The following LRRFIP2 variants were observed in gnomAD, a reference collection of about 807,000 sequenced individuals.
The protein encoded by LRRFIP2 is leucine-rich repeat flightless-interacting protein 2.
A neutral mutation model predicts 125.9 loss-of-function variants in LRRFIP2; 109 were observed. The observed-to-expected ratio is 0.87, with a 90% CI of 0.74 to 1.01. The LOEUF (loss-of-function observed/expected upper bound fraction) is 1.01, where lower values mean the gene tolerates loss of function less well. LRRFIP2 is among the 50% of genes least tolerant of loss of function. The pLI, the probability that LRRFIP2 is intolerant of heterozygous loss-of-function variation, is 0.00. For missense variants in LRRFIP2, 850 were observed against 862.3 expected, an observed-to-expected ratio of 0.99 and a Z score of 0.18; for synonymous variants, 291 against 293.1, an observed-to-expected ratio of 0.99 and a Z score of 0.07.
In LRRFIP2 at chr3:37,109,680, G is replaced by T. The variant is rs1369673821; in HGVS notation, c.537C>A (p.Asp179Glu). ...TGTCACTCTTATATGTTGCCAGAGG[G>T]TCACTGTACAGGGAAGAAGACTGCT... ...YTRQSSSLYS[D>E]PLATYKSDRA... is the part of the protein sequence containing the mutation. The change falls in exon 10 of 28, where the codon GAC becomes GAA. Residue 179 changes from aspartate (D) to glutamate (E), a missense_variant. Asp to Glu is a conservative substitution (Grantham distance 45). Transcript: ENST00000336686. 2.5e-6 allele frequency: 4 copies of T among 1,613,962 alleles called. No homozygotes were observed. The highest frequency in any genetic ancestry group is 1.1e-5 in the South Asian group (1 of 91,072).
intron 24 of LRRFIP2, among the ~76,000 whole-genome samples, chr3:37,063,403 A>G (rs534061485): frequency 6.6e-6 from 1 of 152,362 alleles, no homozygotes; most frequent in African/African-American, 2.4e-5. Context: ...CAACATAAGT[A>G]TGTTATACAG....
At chr3:37,129,802 A>C (rs527571640) in intron 2 of LRRFIP2, among the ~76,000 whole-genome samples, 1 of 152,242 alleles carries the variant, frequency 6.6e-6, no homozygotes, top group African/African-American at 2.4e-5. Context: ...AGACCAGCTT[A>C]GGCAACATGA....
chr3:37,126,823 A>C (rs11713122), intron 4 of LRRFIP2, among the ~76,000 whole-genome samples: 62,300 of 150,484 alleles, frequency 0.41, 13,472 homozygotes, highest in Non-Finnish European at 0.46. Flanking sequence ...TGTGCCACTG[A>C]ACTCCAGCCT....
At chr3:37,069,212 C>T (rs534776878) in intron 21 of LRRFIP2, among the ~76,000 whole-genome samples, 1 of 152,248 alleles carries the variant, frequency 6.6e-6, no homozygotes, top group Admixed American at 6.5e-5. Flanking sequence ...ACAGAATTAC[C>T]ATATGATCCA....
intron 21 of LRRFIP2, chr3:37,068,432 G>A (rs552090383): frequency 1.6e-4 from 24 of 152,060 alleles, no homozygotes; most frequent in African/African-American, 5.8e-4. Flanking sequence ...TTTTACCTTC[G>A]GACTTTTTAA....
At chr3:37,076,330 G>T (rs932712263) in intron 19 of LRRFIP2, among the ~76,000 whole-genome samples, 19 of 151,914 alleles carry the variant, frequency 1.3e-4, no homozygotes, top group African/African-American at 4.1e-4. Context: ...TCAAGACCCT[G>T]CCTGGGCAAC....
intron 6 of LRRFIP2, 174 bp downstream of exon 6, chr3:37,121,318 A>G (rs556611572): frequency 4.1e-5 from 26 of 628,484 alleles, no homozygotes; most frequent in Non-Finnish European, 7.0e-5. Context: ...TGATTTACTT[A>G]TGACAATAAT....
At chr3:37,102,893 C>A (rs754386899) in intron 15 of LRRFIP2, 31 bp downstream of exon 15, 2 of 1,449,166 alleles carry the variant, frequency 1.4e-6, no homozygotes. Context: ...CCTGGGACAA[C>A]ATAACCAACC....
intron 1 of LRRFIP2, among the ~76,000 whole-genome samples, chr3:37,173,597 GC>G (rs1244579200): frequency 6.6e-6 from 1 of 152,206 alleles, no homozygotes; most frequent in East Asian, 1.9e-4. Flanking sequence ...CTACGAAACA[GC>G]CTGTATTTTG....
intron 23 of LRRFIP2, chr3:37,065,344 A>G (rs2089905114): frequency 6.7e-6 from 2 of 297,456 alleles, no homozygotes; most frequent in South Asian, 3.2e-5. Flanking sequence ...TACTTCTCTG[A>G]TATCTTTTTG....
rs536762877 is a variant in LRRFIP2 at position 37,124,275 on chromosome 3, C to T, written c.229-2584G>A. ...TAATTACCTACATGGGGCTACCATA[C>T]TTGACAGCACTTCTCTAAACCTATT... On this transcript the variant is annotated intron_variant, in intron 4 of 27. Coordinates refer to ENST00000336686, the MANE Select transcript of LRRFIP2 (RefSeq NM_006309.4). Among the ~76,000 whole-genome samples, 268 of 152,286 alleles carry T rather than the reference C, an allele frequency of 1.8e-3. 3 individuals are homozygous for T. Among genetic ancestry groups the T allele is most frequent in the Middle Eastern group, 3.4e-3 (1 of 294 alleles).
chr3:37,058,112 T>C (rs2087449781), intron 25 of LRRFIP2, among the ~76,000 whole-genome samples: 1 of 152,118 alleles, frequency 6.6e-6, no homozygotes, highest in Admixed American at 6.6e-5. Flanking sequence ...GAAAAAACTT[T>C]AATGGGGAAG....
At chr3:37,112,196 A>G (rs2094569624) in intron 8 of LRRFIP2, among the ~76,000 whole-genome samples, 1 of 151,938 alleles carries the variant, frequency 6.6e-6, no homozygotes, top group African/African-American at 2.4e-5. Flanking sequence ...ATTAGCCAGG[A>G]AGAGTGGCAC....
chr3:37,083,930 T>G, intron 18 of LRRFIP2, 124 bp from the exon 19 acceptor site: 7 of 679,602 alleles, frequency 1.0e-5, no homozygotes, highest in Non-Finnish European at 1.6e-5. Flanking sequence ...ACAAGCGGTT[T>G]GGGGAACTCC....
At chr3:37,136,969 G>A (rs2095571333) in intron 2 of LRRFIP2, among the ~76,000 whole-genome samples, 1 of 103,868 alleles carries the variant, frequency 9.6e-6, no homozygotes, top group African/African-American at 3.6e-5. Flanking sequence ...GGGGGGTGGG[G>A]GGGTGGGGGG....
intron 14 of LRRFIP2, 48 bp from the exon 15 acceptor site, chr3:37,103,061 A>G: frequency 1.4e-6 from 2 of 1,432,708 alleles, no homozygotes; most frequent in Non-Finnish European, 1.9e-6. Context: ...AAGAAAAAAG[A>G]AAGAAAAAAA....
At chr3:37,101,342 G>A (rs150315151) in intron 15 of LRRFIP2, among the ~76,000 whole-genome samples, 40 of 145,658 alleles carry the variant, frequency 2.7e-4, no homozygotes, top group Admixed American at 1.6e-3. Flanking sequence ...AGGTGACAGA[G>A]TGAGACTCCG....
chr3:37,084,211 G>C (rs760079865), intron 18 of LRRFIP2, among the ~76,000 whole-genome samples: 1 of 152,124 alleles, frequency 6.6e-6, no homozygotes, highest in African/African-American at 2.4e-5. Context: ...CTTTACACAG[G>C]TGAACTTCAT....
intron 1 of LRRFIP2, among the ~76,000 whole-genome samples, chr3:37,153,041 T>C (rs560358048): frequency 2.6e-5 from 4 of 152,322 alleles, no homozygotes; most frequent in East Asian, 1.9e-4. Context: ...TTTAGGAAGA[T>C]AGGATTATGG....
Sources: allele counts gnomAD v4.1 joint callset (sites outside exome capture counted in the v4.1 genomes callset), GRCh38; gene constraint gnomAD v4.1.1; transcripts MANE v1.5; gene names NCBI Gene and HGNC (gene_info 2026-07-23, HGNC 2026-07-21).